The following MYO7B variants were observed in gnomAD, a reference collection of about 807,000 sequenced individuals.
MYO7B encodes the protein unconventional myosin-VIIb.
In MYO7B, 212 loss-of-function variants were observed where a neutral mutation model predicts 259.7. That is an observed-to-expected ratio of 0.82 (90% CI 0.73 to 0.91). The LOEUF (loss-of-function observed/expected upper bound fraction) is 0.91, where lower values mean the gene tolerates loss of function less well. Ranked by LOEUF, MYO7B falls within the 40% of genes least tolerant of loss-of-function variation. The pLI is 0.00. For synonymous variants in MYO7B, 1,197 were observed against 1,166.4 expected (o/e 1.03, Z -0.54); for missense variants, 2,732 against 2,813.5 (o/e 0.97, Z 0.66).
Position 127,605,870 on chromosome 2 carries a change from C to T in MYO7B, c.2366C>T (p.Ala789Val). The T allele has an allele frequency of 1.2e-6, 2 of 1,613,738 alleles. No individual in the cohort carries two copies. Among genetic ancestry groups the T allele is most frequent in the South Asian group, 2.2e-5 (2 of 91,034 alleles). The change falls in exon 20 of 48, where the codon GCA (alanine) becomes GTA (valine). Residue 789 changes from alanine to valine, a missense_variant. Around this residue, in one of 3 missense-constraint regions of MYO7B, gnomAD observed 1,906 missense variants for 2,026.4 expected, o/e 0.94. Transcript: ENST00000409816. Reference protein sequence around the residue: ...YRKEFLRQRRAAVTLQAWWRG... With the variant: ...YRKEFLRQRRVAVTLQAWWRG... ...AAGGAGTTCCTGAGGCAGAGGCGGG[C>T]AGCTGTGACCCTGCAGGCCTGGTGG...
Position 127,580,784 on chromosome 2 carries a change from G to A in MYO7B, c.1042G>A (p.Glu348Lys), listed in dbSNP as rs775646954. The A allele has an allele frequency of 1.2e-5, 19 of 1,613,574 alleles. No homozygotes were observed. The highest frequency in any genetic ancestry group is 3.3e-5 in the Admixed American group (2 of 59,964). ...GAACCTGGACGCCTCAGACGTGATG[G>A]AGACGCCCGCCTTTCCCACCGTGAT... ...FENLDASDVM[E>K]TPAFPTVMKL... Residue 348 changes from glutamate (E) to lysine (K), a missense_variant, in exon 10 of 48, where the codon GAG becomes AAG. Glu to Lys is a moderately conservative substitution (Grantham distance 56). Transcript: ENST00000409816.
intron 17 of MYO7B, 45 bp from the exon 18 acceptor site, chr2:127,593,501 G>T (rs1252432454): frequency 6.3e-6 from 10 of 1,580,276 alleles, no homozygotes; most frequent in East Asian, 2.2e-5. Context: ...CCGCCGAGGG[G>T]TCTCTGCCCC....
At chr2:127,619,678 T>C (rs967579828) in intron 26 of MYO7B, among the ~76,000 whole-genome samples, 4 of 152,124 alleles carry the variant, frequency 2.6e-5, no homozygotes, top group African/African-American at 9.7e-5. Flanking sequence ...GGGGAGCTGG[T>C]TGATAAACAT....
chr2:127,543,931 G>A (rs1244174921), intron 1 of MYO7B, among the ~76,000 whole-genome samples: 1 of 151,806 alleles, frequency 6.6e-6, no homozygotes, highest in Non-Finnish European at 1.5e-5. Context: ...ATTTTTAGTA[G>A]AGACAGGGTT....
chr2:127,553,922 G>C (rs111697417), intron 1 of MYO7B, among the ~76,000 whole-genome samples: 9 of 152,198 alleles, frequency 5.9e-5, no homozygotes, highest in African/African-American at 2.2e-4. Flanking sequence ...ATTGCACTGA[G>C]GTATGTCCCT....
At chr2:127,568,769 C>T (rs577632986) in intron 5 of MYO7B, among the ~76,000 whole-genome samples, 10 of 151,888 alleles carry the variant, frequency 6.6e-5, no homozygotes, top group Admixed American at 2.6e-4. Context: ...TGGTGGCCGA[C>T]GCCTGTAATC....
chr2:127,612,639 C>G, intron 26 of MYO7B, 36 bp downstream of exon 26: 1 of 1,602,492 alleles, frequency 6.2e-7, no homozygotes, highest in Non-Finnish European at 8.5e-7. Flanking sequence ...CCATTCAGAG[C>G]ATCAGATGCC....
Position 127,628,658 on chromosome 2 carries a change from G to C in MYO7B, c.4624+123G>C. On this transcript the variant is annotated intron_variant, in intron 34 of 47. Transcript: ENST00000409816. This position sits in a 1 kb window ranked among gnomAD's most constrained non-coding sequence, Gnocchi z 4.8. Reference sequence around the variant, plus strand: ...CCACAAGGCAAGCAGAGGGAGGGAAGGCCCCAAAGCTCTGTGGGGGCAGCT... The same window carrying C: ...CCACAAGGCAAGCAGAGGGAGGGAACGCCCCAAAGCTCTGTGGGGGCAGCT... 9.1e-7 allele frequency: 1 copy of C among 1,100,694 alleles called. No individual in the cohort carries two copies. Among genetic ancestry groups the C allele is most frequent in the Non-Finnish European group, 1.3e-6 (1 of 776,344 alleles). 68.2% of individuals were successfully genotyped at this position (1,100,694 alleles called of 1,614,324 possible). A position where few individuals can be genotyped will look rare whatever the true frequency, so the allele number is the denominator to read the frequency against.
chr2:127,578,061 G>A, intron 8 of MYO7B, 72 bp from the exon 9 acceptor site: 12 of 1,581,480 alleles, frequency 7.6e-6, no homozygotes, highest in East Asian at 2.3e-5. Context: ...CAGTGTCTCA[G>A]CCTTGCTGGT....
At chr2:127,630,728 G>T in intron 35 of MYO7B, 50 bp from the exon 36 acceptor site, 7 of 1,604,000 alleles carry the variant, frequency 4.4e-6, no homozygotes, top group African/African-American at 1.3e-5. Flanking sequence ...TGCAGGAAGG[G>T]CCTCATGGGC....
chr2:127,555,614 T>C (rs1008393810), intron 1 of MYO7B, among the ~76,000 whole-genome samples: 26 of 152,198 alleles, frequency 1.7e-4, no homozygotes, highest in Admixed American at 2.6e-4. Context: ...TCGTTCAGTT[T>C]GAAGCATTTT....
rs58397380 is a variant in MYO7B, at chr2:127,586,422, G to A, written c.1690+1509G>A. ...AGGTGTTCTGGTCTATTTAACTGGA[G>A]ACAGGAATCCAGGGATGATTCTTTT... On this transcript the variant is annotated intron_variant, in intron 14 of 47. Transcript: ENST00000409816. This position sits in a 1 kb window ranked among gnomAD's most constrained non-coding sequence, Gnocchi z 4.8. 6.6e-6 allele frequency among the ~76,000 whole-genome samples: 1 copy of A among 152,324 alleles called. No homozygotes were observed. Among genetic ancestry groups the A allele is most frequent in the African/African-American group, 2.4e-5 (1 of 41,572 alleles).
chr2:127,540,172 T>TTA, intron 1 of MYO7B, among the ~76,000 whole-genome samples: 1 of 151,942 alleles, frequency 6.6e-6, no homozygotes, highest in African/African-American at 2.4e-5. Flanking sequence ...TGGTTTTATT[T>TTA]TTTTTTTTTG....
chr2:127,537,321 G>A (rs866784964), intron 1 of MYO7B, among the ~76,000 whole-genome samples: 11 of 152,328 alleles, frequency 7.2e-5, no homozygotes, highest in Admixed American at 3.3e-4. Context: ...GATAACCTTC[G>A]TTTGGGCCTG....
At chr2:127,572,053 G>A (rs1420568478) in intron 6 of MYO7B, among the ~76,000 whole-genome samples, 1 of 152,058 alleles carries the variant, frequency 6.6e-6, no homozygotes, top group Non-Finnish European at 1.5e-5. Context: ...TTATATTTAG[G>A]TTGATGATCC....
At chr2:127,604,240 C>T (rs949909177) in intron 19 of MYO7B, among the ~76,000 whole-genome samples, 2 of 152,266 alleles carry the variant, frequency 1.3e-5, no homozygotes, top group African/African-American at 4.8e-5. Context: ...CTTGCTGCTT[C>T]ACCTTGCACT....
chr2:127,623,602 G>A (rs1360635889), intron 29 of MYO7B, among the ~76,000 whole-genome samples: 3 of 152,090 alleles, frequency 2.0e-5, no homozygotes, highest in African/African-American at 7.2e-5. Flanking sequence ...CTGCGCCTCA[G>A]CCCCAGCAGT....
chr2:127,583,861 C>T (rs995120579), intron 12 of MYO7B, among the ~76,000 whole-genome samples: 6 of 152,154 alleles, frequency 3.9e-5, no homozygotes, highest in South Asian at 2.1e-4. Flanking sequence ...AAGCTGAAGG[C>T]GAGGACTTGA....
Position 127,628,549 on chromosome 2 carries a change from TG to T in MYO7B, c.4624+18del. 1 of 2,560 alleles carries T rather than the reference TG, an allele frequency of 3.9e-4. No individual in the cohort carries two copies. The highest frequency in any genetic ancestry group is 4.9e-4 in the Non-Finnish European group (1 of 2,036). 0.2% of individuals were successfully genotyped at this position (2,560 alleles called of 1,614,324 possible). On this transcript the variant is annotated intron_variant, in intron 34 of 47. Coordinates refer to ENST00000409816, the MANE Select transcript of MYO7B (RefSeq NM_001393586.1). The surrounding 1 kb of genome is among the most constrained non-coding windows in gnomAD (Gnocchi z 4.8). ...GGAAGGCCACAGGTGCCAGACTGGG[TG>T]GGGTGGGGTGGGGTGGGGTGGGGTG...
Sources: allele counts gnomAD v4.1 joint callset (sites outside exome capture counted in the v4.1 genomes callset), GRCh38; gene constraint gnomAD v4.1.1; regional missense constraint gnomAD v4.1.1; non-coding constraint Gnocchi (gnomAD v3.1); transcripts MANE v1.5; gene names NCBI Gene and HGNC (gene_info 2026-07-23, HGNC 2026-07-21).